Variants in UGT8 observed in about 807,000 individuals in gnomAD.
The protein encoded by UGT8 is UDP glycosyltransferase 8, also known as 2-hydroxyacylsphingosine 1-beta-galactosyltransferase.
In UGT8, 12 loss-of-function variants were observed where a neutral mutation model predicts 40.5. The observed-to-expected ratio is 0.30, with a 90% CI of 0.19 to 0.48. UGT8 has a LOEUF of 0.48. Among genes scored for constraint, UGT8 ranks in the 20% least tolerant of loss-of-function variants. The probability of loss-of-function intolerance (pLI) is 0.99; values close to 1 mark genes in which losing one functional copy is unlikely to be tolerated. For synonymous variants in UGT8, 224 were observed against 240.4 expected (o/e 0.93, Z 0.63); for missense variants, 513 against 648.7 (o/e 0.79, Z 2.27).
intron 1 of UGT8, among the ~76,000 whole-genome samples, chr4:114,603,170 G>A (rs1309180936): frequency 1.3e-5 from 2 of 152,170 alleles, no homozygotes; most frequent in South Asian, 2.1e-4. Context: ...CTTAAAAGGA[G>A]ATCCAGATTT....
intron 2 of UGT8, among the ~76,000 whole-genome samples, chr4:114,647,938 A>G (rs190378125): frequency 6.6e-6 from 1 of 152,296 alleles, no homozygotes; most frequent in East Asian, 1.9e-4. Context: ...GAACATAGAT[A>G]GATATTCCAA....
intron 2 of UGT8, among the ~76,000 whole-genome samples, chr4:114,655,066 GT>G (rs751913600): frequency 3.8e-4 from 52 of 138,418 alleles, no homozygotes; most frequent in African/African-American, 8.2e-4. Context: ...TTTGTTTTTT[GT>G]TTTTTTTTTT....
intron 1 of UGT8, among the ~76,000 whole-genome samples, chr4:114,613,660 T>G (rs4585328): frequency 0.6 from 90,562 of 151,930 alleles, 29,923 homozygotes; most frequent in East Asian, 0.81. Flanking sequence ...TTGTATTACC[T>G]GTATTTCTCT....
At chr4:114,640,066 T>C (rs1733119313) in intron 2 of UGT8, among the ~76,000 whole-genome samples, 1 of 149,926 alleles carries the variant, frequency 6.7e-6, no homozygotes, top group African/African-American at 2.4e-5. Context: ...AGTCTCGCTC[T>C]GTCGCCCAGG....
At chr4:114,627,822 G>A (rs1732331740) in intron 2 of UGT8, among the ~76,000 whole-genome samples, 1 of 152,108 alleles carries the variant, frequency 6.6e-6, no homozygotes. Context: ...GCACCTAATA[G>A]CACTTTAACT....
chr4:114,650,824 A>G (rs887154415), intron 2 of UGT8, among the ~76,000 whole-genome samples: 1 of 152,078 alleles, frequency 6.6e-6, no homozygotes, highest in Admixed American at 6.6e-5. Flanking sequence ...TTTCACTGAT[A>G]TATTTCTTTC....
intron 1 of UGT8, among the ~76,000 whole-genome samples, chr4:114,621,362 G>A (rs1174387514): frequency 2.0e-5 from 3 of 152,068 alleles, no homozygotes; most frequent in Non-Finnish European, 4.4e-5. Flanking sequence ...AAATGCATCA[G>A]CAAATTGACA....
At chr4:114,658,097 C>A (rs913727192) in intron 2 of UGT8, among the ~76,000 whole-genome samples, 1 of 151,968 alleles carries the variant, frequency 6.6e-6, no homozygotes, top group Non-Finnish European at 1.5e-5. Context: ...ATTTGATATC[C>A]CAAGATTTTT....
chr4:114,618,084 T>C (rs1339866855), intron 1 of UGT8, among the ~76,000 whole-genome samples: 1 of 152,122 alleles, frequency 6.6e-6, no homozygotes, highest in East Asian at 1.9e-4. Context: ...CTGATCTTCT[T>C]AGTGTTATGT....
intron 2 of UGT8, among the ~76,000 whole-genome samples, chr4:114,631,942 T>C (rs1732604599): frequency 6.6e-6 from 1 of 152,228 alleles, no homozygotes; most frequent in Admixed American, 6.5e-5. Flanking sequence ...AGTTCCACTT[T>C]GTGAAACTAA....
intron 1 of UGT8, among the ~76,000 whole-genome samples, chr4:114,615,849 T>C (rs1034819482): frequency 2.0e-5 from 3 of 152,206 alleles, no homozygotes; most frequent in Non-Finnish European, 4.4e-5. Flanking sequence ...TTTGGCTATA[T>C]GCCAAACTGA....
chr4:114,665,597 T>C, intron 3 of UGT8, 83 bp from the exon 4 acceptor site: 2 of 1,296,788 alleles, frequency 1.5e-6, no homozygotes, highest in Non-Finnish European at 2.0e-6. Flanking sequence ...ACATTTATTT[T>C]AAATCTCATA....
At chr4:114,644,635 A>G (rs1278359953) in intron 2 of UGT8, among the ~76,000 whole-genome samples, 1 of 152,084 alleles carries the variant, frequency 6.6e-6, no homozygotes, top group Non-Finnish European at 1.5e-5. Flanking sequence ...TCATAAACTG[A>G]ATGGATGAAT....
rs1731949968 is a variant in UGT8 at position 114,623,216 on chromosome 4, G to A, written c.336G>A (p.Lys112=). ...ELFDILDHYT[K]NCDLMVGNHA... is the part of the protein sequence containing the mutation. Reference sequence around the variant, plus strand: ...TTGACATACTGGATCACTATACTAAGAACTGTGACCTGATGGTTGGCAACC... The same window carrying A: ...TTGACATACTGGATCACTATACTAAAAACTGTGACCTGATGGTTGGCAACC... The change falls in exon 2 of 6, where the codon AAG becomes AAA. Residue 112 remains lysine, a synonymous_variant. Transcript: ENST00000310836. The A allele has an allele frequency of 6.2e-7, 1 of 1,614,040 alleles. No homozygotes were observed. The highest frequency in any genetic ancestry group is 8.5e-7 in the Non-Finnish European group (1 of 1,180,036).
intron 2 of UGT8, among the ~76,000 whole-genome samples, chr4:114,647,356 T>TG (rs1553934670): frequency 7.0e-6 from 1 of 143,290 alleles, no homozygotes; most frequent in South Asian, 2.3e-4. Context: ...ATTAGCTCTT[T>TG]TGTGTGTGTG....
intron 1 of UGT8, among the ~76,000 whole-genome samples, chr4:114,603,579 C>G (rs1730564508): frequency 6.6e-6 from 1 of 152,022 alleles, no homozygotes; most frequent in Non-Finnish European, 1.5e-5. Context: ...CAGCTGAAAA[C>G]TGAGAAAATT....
chr4:114,674,725 G>A (rs1735511698), intron 5 of UGT8, among the ~76,000 whole-genome samples: 1 of 152,156 alleles, frequency 6.6e-6, no homozygotes, highest in African/African-American at 2.4e-5. Context: ...CTCTTCTCTT[G>A]ATTTATCAAG....
At chr4:114,646,985 G>A (rs986323489) in intron 2 of UGT8, among the ~76,000 whole-genome samples, 8 of 152,122 alleles carry the variant, frequency 5.3e-5, no homozygotes, top group Non-Finnish European at 7.4e-5. Flanking sequence ...GCATGTTTCC[G>A]TCACTCGGAT....
chr4:114,673,175 A>C (rs1318055037), intron 5 of UGT8, among the ~76,000 whole-genome samples: 1 of 151,734 alleles, frequency 6.6e-6, no homozygotes, highest in Non-Finnish European at 1.5e-5. Context: ...ACCATTTTTA[A>C]TCACACTATT....
Sources: allele counts gnomAD v4.1 joint callset (sites outside exome capture counted in the v4.1 genomes callset), GRCh38; gene constraint gnomAD v4.1.1; transcripts MANE v1.5; gene names NCBI Gene and HGNC (gene_info 2026-07-23, HGNC 2026-07-21).